The following PLSCR2 variants were observed in gnomAD, a reference collection of about 807,000 sequenced individuals.
PLSCR2 encodes PL scramblase 2.
A neutral mutation model predicts 25.3 loss-of-function variants in PLSCR2; 18 were observed. The observed-to-expected ratio is 0.71, with a 90% confidence interval of 0.49 to 1.06. The LOEUF is 1.06. PLSCR2 is among the 50% of genes least tolerant of loss of function. The pLI, the probability that PLSCR2 is intolerant of heterozygous loss-of-function variation, is 0.00. For missense variants in PLSCR2, 243 were observed against 269.5 expected (o/e 0.90, Z 0.69); for synonymous variants, 88 against 87.3 (o/e 1.01, Z -0.04).
chr3:146,416,653 A>G (rs2039014625), intron 2 of PLSCR2: 1 of 152,254 alleles, frequency 6.6e-6, no homozygotes, highest in African/African-American at 2.4e-5. Context: ...TATGTTTAAC[A>G]TCTAACATTA....
upstream of PLSCR2, among the ~76,000 whole-genome samples, chr3:146,460,443 G>A (rs1298977271): frequency 5.8e-4 from 77 of 133,700 alleles, no homozygotes; most frequent in South Asian, 1.2e-3. Flanking sequence ...GATGAAATTG[G>A]AAAAAAAAAA....
At chr3:146,427,354 GA>G (rs2039392173) in intron 2 of PLSCR2, among the ~76,000 whole-genome samples, 1 of 152,178 alleles carries the variant, frequency 6.6e-6, no homozygotes, top group Admixed American at 6.5e-5. Context: ...CCTGGAGACT[GA>G]AAGAGAGCTA....
intron 5 of PLSCR2, among the ~76,000 whole-genome samples, chr3:146,451,107 C>CT (rs58373001): frequency 0.017 from 1,358 of 79,268 alleles, 10 homozygotes; most frequent in African/African-American, 0.018. Flanking sequence ...ATTAAGTTTT[C>CT]TTTTTTTTTT....
At chr3:146,472,650 A>G (rs935610167) in intron 1 of PLSCR2, among the ~76,000 whole-genome samples, 1 of 152,154 alleles carries the variant, frequency 6.6e-6, no homozygotes, top group Admixed American at 6.5e-5. Context: ...CCCATTTATG[A>G]GAGTTCCATT....
At chr3:146,457,521 T>C (rs911542279) in intron 3 of PLSCR2, among the ~76,000 whole-genome samples, 28 of 152,240 alleles carry the variant, frequency 1.8e-4, no homozygotes, top group African/African-American at 6.5e-4. Context: ...CCTCCAACAC[T>C]GCAGTGCCCC....
At chr3:146,416,662 T>C (rs1345824118) in intron 2 of PLSCR2, 1 of 152,244 alleles carries the variant, frequency 6.6e-6, no homozygotes, top group Non-Finnish European at 1.5e-5. Context: ...CATCTAACAT[T>C]ATCAAAACAT....
In PLSCR2 at chr3:146,393,815, A is replaced by AAAAAC. The variant is rs1416922405; in HGVS notation, c.*145+1944_*145+1945insGTTTT. Among the ~76,000 whole-genome samples the AAAAAC allele has an allele frequency of 5.9e-4, 89 of 151,934 alleles. 2 individuals are homozygous for AAAAAC. The South Asian group carries it at 6.7e-3, about 11-fold the overall frequency. ...GCGACAGAGACTCCGTCTCAAAAAAAAAAAAAAAACTTCTAAATAAGACCA... is the reference window on the plus strand; with the variant it reads ...GCGACAGAGACTCCGTCTCAAAAAAAAAAACAAAAAAAAACTTCTAAATAAGACCA... On this transcript the variant is annotated intron_variant and NMD_transcript_variant, in intron 3 of 3. Transcript: ENST00000463633.
At chr3:146,472,277 A>G (rs759816440) in intron 1 of PLSCR2, among the ~76,000 whole-genome samples, 2 of 152,082 alleles carry the variant, frequency 1.3e-5, no homozygotes, top group Non-Finnish European at 2.9e-5. Flanking sequence ...TGGCTGTGTC[A>G]GTTAGTTTTG....
chr3:146,396,316 AT>A (rs1414467798), intron 2 of PLSCR2, among the ~76,000 whole-genome samples: 1 of 150,348 alleles, frequency 6.7e-6, no homozygotes, highest in South Asian at 2.1e-4. Context: ...CTTTTTCCTC[AT>A]TTTTTTTTCT....
At chr3:146,402,814 A>G (rs1183411262) in intron 2 of PLSCR2, among the ~76,000 whole-genome samples, 1 of 152,058 alleles carries the variant, frequency 6.6e-6, no homozygotes, top group Non-Finnish European at 1.5e-5. Context: ...TTGAGTATAG[A>G]ATTTCTTCAT....
chr3:146,468,239 T>C (rs896852058), intron 1 of PLSCR2, among the ~76,000 whole-genome samples: 22 of 152,248 alleles, frequency 1.4e-4, no homozygotes, highest in Non-Finnish European at 2.1e-4. Flanking sequence ...TTTCATTTCC[T>C]TGTGCTTGTT....
intron 2 of PLSCR2, among the ~76,000 whole-genome samples, chr3:146,413,592 C>A (rs1005265256): frequency 6.6e-6 from 1 of 152,244 alleles, no homozygotes; most frequent in Non-Finnish European, 1.5e-5. Context: ...AAGTTCTCTG[C>A]AACTGTGTAA....
chr3:146,459,706 G>T, intron 2 of PLSCR2, 142 bp downstream of exon 2: 2 of 611,906 alleles, frequency 3.3e-6, no homozygotes, highest in Non-Finnish European at 5.6e-6. Context: ...TTTGTTAACA[G>T]AATGTGCTGT....
In PLSCR2 at chr3:146,456,462, A is replaced by T. The variant is rs372350185; in HGVS notation, c.101-1003T>A. On this transcript the variant is annotated intron_variant, in intron 3 of 6. Transcript: ENST00000610787. ...TGCTGTAGACAAAAGTTTGTGAAAA[A>T]ATTTAAAATCGAATATAAAAAAATT... Among the ~76,000 whole-genome samples, 334 of 152,294 alleles carry T rather than the reference A, an allele frequency of 2.2e-3. 1 individual carries two copies. The highest frequency in any genetic ancestry group is 7.6e-3 in the African/African-American group (316 of 41,564).
Position 146,453,995 on chromosome 3 carries a change from C to A in PLSCR2, c.483+7G>T. 6.4e-7 allele frequency: 1 copy of A among 1,561,620 alleles called. No homozygotes were observed. Among genetic ancestry groups the A allele is most frequent in the Non-Finnish European group, 8.6e-7 (1 of 1,162,180 alleles). On this transcript the variant is annotated splice_region_variant and intron_variant, in intron 5 of 6. Coordinates refer to ENST00000610787, the Ensembl canonical transcript of PLSCR2. ...GCAAATCCTATAAACATTATGACATCTCTTACCTCAAAATCAACACCCGCA... is the reference window on the plus strand; with the variant it reads ...GCAAATCCTATAAACATTATGACATATCTTACCTCAAAATCAACACCCGCA...
At chr3:146,417,676 G>C (rs762704240) in intron 2 of PLSCR2, among the ~76,000 whole-genome samples, 1 of 152,162 alleles carries the variant, frequency 6.6e-6, no homozygotes, top group African/African-American at 2.4e-5. Flanking sequence ...CAAAAGGAAA[G>C]CTGGCTGACT....
At chr3:146,408,726 C>T (rs950296719) in intron 2 of PLSCR2, among the ~76,000 whole-genome samples, 2 of 152,068 alleles carry the variant, frequency 1.3e-5, no homozygotes, top group Non-Finnish European at 2.9e-5. Flanking sequence ...CTCCTGGAGG[C>T]GCTCTAAAAA....
At position 146,445,541 on chromosome 3, in the gene PLSCR2, A is replaced by AT. The variant is rs928767054; in HGVS notation, c.645+3664dup. Among the ~76,000 whole-genome samples the AT allele has an allele frequency of 1.0e-4, 15 of 150,532 alleles. No individual in the cohort carries two copies. In the East Asian group the frequency reaches 1.6e-3, roughly 16 times the overall value. On this transcript the variant is annotated intron_variant, in intron 6 of 6. Coordinates refer to ENST00000610787, the Ensembl canonical transcript of PLSCR2. ...ATGTATTGGATCTTGCTTTTATGTTATTTTTTTTTCTCTTGCTGCTTTTAG... is the reference window on the plus strand; with the variant it reads ...ATGTATTGGATCTTGCTTTTATGTTATTTTTTTTTTCTCTTGCTGCTTTTAG...
chr3:146,439,834 G>A (rs111876483), downstream of PLSCR2, among the ~76,000 whole-genome samples: 4 of 152,170 alleles, frequency 2.6e-5, no homozygotes, highest in South Asian at 2.1e-4. Flanking sequence ...GCATTCCTTT[G>A]GAGGAGAAGA....
Sources: gnomAD v4.1 joint callset for allele counts (sites outside exome capture counted in the v4.1 genomes callset) on GRCh38, gnomAD v4.1.1 for gene constraint, MANE v1.5 for transcripts, NCBI Gene and HGNC (gene_info 2026-07-23, HGNC 2026-07-21) for gene names.